Variants in PHAF1 observed in about 807,000 individuals in gnomAD.
PHAF1 encodes phagosome assembly factor 1.
In PHAF1, 23 loss-of-function variants were observed where a neutral mutation model predicts 63.1. That is an observed-to-expected ratio of 0.36 (90% CI 0.26 to 0.52). The LOEUF is 0.52. Ranked by LOEUF, PHAF1 falls within the 20% of genes least tolerant of loss-of-function variation. PHAF1 has a pLI of 0.93. For missense variants in PHAF1, 427 were observed against 517.2 expected, an observed-to-expected ratio of 0.83 and a Z score of 1.69; for synonymous variants, 167 against 185.0, an observed-to-expected ratio of 0.90 and a Z score of 0.79.
chr16:67,138,882 G>T (rs989271728), intron 8 of PHAF1, among the ~76,000 whole-genome samples: 2 of 152,092 alleles, frequency 1.3e-5, no homozygotes, highest in Non-Finnish European at 2.9e-5. Flanking sequence ...AGTTTTACAG[G>T]TTCAGTGTCT....
intron 4 of PHAF1, 189 bp from the exon 5 acceptor site, chr16:67,132,257 A>G: frequency 1.7e-6 from 1 of 573,732 alleles, no homozygotes. Flanking sequence ...TATCAGCCTC[A>G]TGAGAACTGA....
intron 2 of PHAF1, among the ~76,000 whole-genome samples, chr16:67,124,606 G>A (rs1209699126): frequency 1.3e-5 from 2 of 152,144 alleles, no homozygotes; most frequent in African/African-American, 2.4e-5. Flanking sequence ...ACCTTTGGCC[G>A]AGCACAGTGG....
intron 1 of PHAF1, among the ~76,000 whole-genome samples, chr16:67,111,165 AC>A (rs1402731997): frequency 1.3e-5 from 2 of 152,182 alleles, no homozygotes; most frequent in African/African-American, 4.8e-5. Flanking sequence ...GTAATCCTAA[AC>A]CCAGACCTCA....
chr16:67,145,144 C>A (rs1056677217), intron 12 of PHAF1, among the ~76,000 whole-genome samples: 1 of 152,108 alleles, frequency 6.6e-6, no homozygotes, highest in African/African-American at 2.4e-5. Context: ...CAGGGGGCCC[C>A]AGCCCATCCT....
At chr16:67,134,509 C>A in intron 8 of PHAF1, 42 bp downstream of exon 8, 1 of 1,489,502 alleles carries the variant, frequency 6.7e-7, no homozygotes, top group Non-Finnish European at 9.4e-7. Flanking sequence ...CGCATTATAC[C>A]CATGTTGAGA....
chr16:67,129,341 T>C (rs1344547247), intron 3 of PHAF1, among the ~76,000 whole-genome samples: 2 of 152,200 alleles, frequency 1.3e-5, no homozygotes, highest in Admixed American at 6.5e-5. Context: ...CTTAACAGAA[T>C]ACACAAGTAT....
intron 8 of PHAF1, 88 bp from the exon 9 acceptor site, chr16:67,139,896 C>A: frequency 1.4e-6 from 2 of 1,477,850 alleles, no homozygotes; most frequent in Non-Finnish European, 1.9e-6. Context: ...AATAATGTAG[C>A]ATGCAGCCAG....
At chr16:67,112,464 A>G (rs1216955656) in intron 1 of PHAF1, among the ~76,000 whole-genome samples, 2 of 148,892 alleles carry the variant, frequency 1.3e-5, no homozygotes. Flanking sequence ...TGAGGCTGGG[A>G]GGTCAAGGCT....
chr16:67,109,969 C>T lies in PHAF1; in HGVS notation c.-207C>T, dbSNP rs1006745647. 15 of 531,604 alleles carry T rather than the reference C, an allele frequency of 2.8e-5. No homozygotes were observed. Among genetic ancestry groups the T allele is most frequent in the Non-Finnish European group, 4.6e-5 (14 of 304,484 alleles). The allele number at this position is 531,604 out of a possible 1,614,324, so 32.9% of individuals were successfully genotyped here. A position where few individuals can be genotyped will look rare whatever the true frequency, so the allele number is the denominator to read the frequency against. ...GTCGCGCCCGCCGCCGTCGTTGCCC[C>T]CGCTGCCGCGGCTGCTGCAGGTGAG... On this transcript the variant is annotated 5_prime_UTR_variant, in exon 1 of 16. Transcript: ENST00000219139.
chr16:67,143,876 G>A (rs1372720144), intron 10 of PHAF1, among the ~76,000 whole-genome samples: 1 of 152,056 alleles, frequency 6.6e-6, no homozygotes, highest in Non-Finnish European at 1.5e-5. Context: ...ATCACCTGAG[G>A]TCAGGAGTTT....
At chr16:67,133,976 C>G (rs1295118092) in intron 6 of PHAF1, among the ~76,000 whole-genome samples, 192 bp from the exon 7 acceptor site, 1 of 151,370 alleles carries the variant, frequency 6.6e-6, no homozygotes, top group African/African-American at 2.4e-5. Context: ...AAAGGAAAAC[C>G]AAGCAGAATT....
At chr16:67,111,843 C>G (rs1421910767) in intron 1 of PHAF1, among the ~76,000 whole-genome samples, 1 of 152,230 alleles carries the variant, frequency 6.6e-6, no homozygotes, top group East Asian at 1.9e-4. Flanking sequence ...AGGCTGGTCT[C>G]GAACTCCTGA....
At chr16:67,139,070 C>T (rs1432839134) in intron 8 of PHAF1, among the ~76,000 whole-genome samples, 1 of 151,710 alleles carries the variant, frequency 6.6e-6, no homozygotes, top group Non-Finnish European at 1.5e-5. Flanking sequence ...AGGAGTGTGC[C>T]ACCACGCCTG....
At chr16:67,134,560 T>C in intron 8 of PHAF1, 93 bp downstream of exon 8, 3 of 1,054,530 alleles carry the variant, frequency 2.8e-6, no homozygotes, top group Non-Finnish European at 4.4e-6. Flanking sequence ...TCTCAGTCCA[T>C]TCAGGCTGCT....
intron 14 of PHAF1, 116 bp downstream of exon 14, chr16:67,145,744 C>T: frequency 9.2e-7 from 1 of 1,085,990 alleles, no homozygotes; most frequent in Non-Finnish European, 1.3e-6. Flanking sequence ...TCTGATATTG[C>T]CACAAGCATA....
At chr16:67,128,779 T>C (rs940732929) in intron 3 of PHAF1, among the ~76,000 whole-genome samples, 1 of 152,226 alleles carries the variant, frequency 6.6e-6, no homozygotes, top group Non-Finnish European at 1.5e-5. Context: ...GACTCCAGGA[T>C]GGCCAGCACT....
At chr16:67,130,443 G>A (rs1336914255) in intron 3 of PHAF1, among the ~76,000 whole-genome samples, 1 of 149,902 alleles carries the variant, frequency 6.7e-6, no homozygotes, top group East Asian at 2.0e-4. Context: ...CCAACTCCTG[G>A]GTTCAAGCGG....
intron 10 of PHAF1, among the ~76,000 whole-genome samples, chr16:67,141,770 G>A (rs894565629): frequency 1.3e-5 from 2 of 152,182 alleles, no homozygotes; most frequent in Admixed American, 6.5e-5. Flanking sequence ...AGGAGAATGC[G>A]GTGGCACCCG....
At chr16:67,126,398 G>C (rs747024905) in intron 3 of PHAF1, among the ~76,000 whole-genome samples, 3 of 152,134 alleles carry the variant, frequency 2.0e-5, no homozygotes, top group Non-Finnish European at 4.4e-5. Context: ...CTGTAACTTG[G>C]TTAGAAAATG....
Sources: allele counts gnomAD v4.1 joint callset (sites outside exome capture counted in the v4.1 genomes callset), GRCh38; gene constraint gnomAD v4.1.1; transcripts MANE v1.5; gene names NCBI Gene and HGNC (gene_info 2026-07-23, HGNC 2026-07-21).